The following NLGN1 variants were observed in gnomAD, a reference collection of about 807,000 sequenced individuals.
NLGN1 encodes neuroligin-1.
Under a neutral mutation model 65.5 loss-of-function variants are expected in NLGN1, and 12 were observed. The observed-to-expected ratio is 0.18, with a 90% CI of 0.12 to 0.30. The LOEUF (loss-of-function observed/expected upper bound fraction) is 0.30. NLGN1 is among the 10% of genes least tolerant of loss of function. NLGN1 has a pLI of 1.00. For missense variants in NLGN1, 750 were observed against 1,007.1 expected (o/e 0.74, Z 3.46); for synonymous variants, 350 against 359.5 (o/e 0.97, Z 0.30).
intron 2 of NLGN1, among the ~76,000 whole-genome samples, chr3:173,448,887 TTC>T (rs1720915180): frequency 6.6e-6 from 1 of 152,232 alleles, no homozygotes; most frequent in African/African-American, 2.4e-5. Flanking sequence ...TAGTTTGTAT[TTC>T]TGTGGGATCA....
chr3:173,510,647 T>C (rs75494349), intron 2 of NLGN1, among the ~76,000 whole-genome samples: 1 of 152,238 alleles, frequency 6.6e-6, no homozygotes, highest in African/African-American at 2.4e-5. Context: ...ATAAACCTTT[T>C]GTCATACTGC....
At chr3:173,702,802 C>A (rs557386838) in intron 3 of NLGN1, among the ~76,000 whole-genome samples, 14 of 152,312 alleles carry the variant, frequency 9.2e-5, no homozygotes, top group African/African-American at 3.1e-4. Context: ...AAAAAAGACT[C>A]CTCCGCTTCC....
At chr3:174,256,695 A>G (rs188193982) in intron 4 of NLGN1, among the ~76,000 whole-genome samples, 2 of 152,320 alleles carry the variant, frequency 1.3e-5, no homozygotes, top group African/African-American at 2.4e-5. Flanking sequence ...CTTAGGAATA[A>G]GCTTCAGTTT....
In NLGN1 at chr3:174,006,835, G is replaced by A. The variant is rs141866966; in HGVS notation, c.646+199003G>A. Among the ~76,000 whole-genome samples, 148 of 152,192 alleles carry A rather than the reference G, an allele frequency of 9.7e-4. No homozygotes were observed. In the East Asian group the frequency reaches 0.025, roughly 26 times the overall value. ...TGTAACCCCAGCACTCTGGGAGGCCGAGGTAGGTGGATCAGTTGGGGTCAG... is the reference window on the plus strand; with the variant it reads ...TGTAACCCCAGCACTCTGGGAGGCCAAGGTAGGTGGATCAGTTGGGGTCAG... On this transcript the variant is annotated intron_variant, in intron 4 of 6. Transcript: ENST00000457714.
intron 3 of NLGN1, among the ~76,000 whole-genome samples, chr3:173,689,215 C>T (rs1765108679): frequency 6.6e-6 from 1 of 152,164 alleles, no homozygotes; most frequent in African/African-American, 2.4e-5. Flanking sequence ...ACATGTGGGA[C>T]TGTGCTTGCA....
At chr3:173,881,098 T>TC (rs1486081951) in intron 4 of NLGN1, among the ~76,000 whole-genome samples, 1 of 141,706 alleles carries the variant, frequency 7.1e-6, no homozygotes, top group Non-Finnish European at 1.6e-5. Context: ...CCTTTTTTTT[T>TC]TTTTTTTTTT....
At chr3:173,570,245 AG>A (rs1744427987) in intron 2 of NLGN1, among the ~76,000 whole-genome samples, 1 of 152,206 alleles carries the variant, frequency 6.6e-6, no homozygotes. Flanking sequence ...GGCATCCAAA[AG>A]GAAAGCCTTT....
intron 4 of NLGN1, among the ~76,000 whole-genome samples, chr3:174,182,884 C>T (rs934452224): frequency 2.0e-5 from 3 of 152,278 alleles, no homozygotes; most frequent in Middle Eastern, 3.4e-3. Context: ...TGTCTCTCTA[C>T]CCCTTTCTAT....
chr3:173,721,302 A>G (rs1770797106), intron 3 of NLGN1, among the ~76,000 whole-genome samples: 1 of 152,234 alleles, frequency 6.6e-6, no homozygotes, highest in African/African-American at 2.4e-5. Context: ...AAAGTACATC[A>G]CAAAATTTGG....
At chr3:174,261,973 T>C (rs1747017466) in intron 4 of NLGN1, among the ~76,000 whole-genome samples, 2 of 146,510 alleles carry the variant, frequency 1.4e-5, no homozygotes, top group Admixed American at 1.4e-4. Context: ...TCTGTTTATA[T>C]GCTGGATTAC....
intron 4 of NLGN1, among the ~76,000 whole-genome samples, chr3:173,850,260 T>C (rs1413043788): frequency 2.6e-5 from 4 of 152,190 alleles, no homozygotes; most frequent in Non-Finnish European, 5.9e-5. Context: ...TGATTATGGG[T>C]ATATACGGAT....
At chr3:173,574,012 G>C (rs936532229) in intron 2 of NLGN1, among the ~76,000 whole-genome samples, 3 of 136,802 alleles carry the variant, frequency 2.2e-5, no homozygotes, top group Admixed American at 1.6e-4. Context: ...GCAGTGAGCC[G>C]AGATGGCATC....
At chr3:173,858,798 T>G (rs1303880310) in intron 4 of NLGN1, among the ~76,000 whole-genome samples, 1 of 152,088 alleles carries the variant, frequency 6.6e-6, no homozygotes, top group African/African-American at 2.4e-5. Flanking sequence ...TTTATATAAG[T>G]AGCACCGGAT....
chr3:173,542,416 C>T (rs1739044658), intron 2 of NLGN1, among the ~76,000 whole-genome samples: 1 of 151,948 alleles, frequency 6.6e-6, no homozygotes, highest in Non-Finnish European at 1.5e-5. Flanking sequence ...ATTCCCATTG[C>T]TTGATTTCCT....
At chr3:173,432,009 C>T (rs73883135) in intron 1 of NLGN1, among the ~76,000 whole-genome samples, 4,383 of 152,198 alleles carry the variant, frequency 0.029, 209 homozygotes, top group African/African-American at 0.1. Context: ...TGAATTCTTT[C>T]ACTTAGTAAT....
chr3:173,969,994 C>T (rs1028825014), intron 4 of NLGN1, among the ~76,000 whole-genome samples: 2 of 151,410 alleles, frequency 1.3e-5, no homozygotes, highest in Non-Finnish European at 2.9e-5. Context: ...TTTAAGTGAA[C>T]TCTATACTAG....
At position 173,837,232 on chromosome 3, in the gene NLGN1, T is replaced by G. The variant is rs143433818; in HGVS notation, c.646+29400T>G. Reference sequence around the variant, plus strand: ...AATTCATCTCCTTGCTGGCTCAGACTACAGCTACTTTATTTTTTAATAAAG... The same window carrying G: ...AATTCATCTCCTTGCTGGCTCAGACGACAGCTACTTTATTTTTTAATAAAG... On this transcript the variant is annotated intron_variant, in intron 4 of 6. Transcript: ENST00000457714. Among the ~76,000 whole-genome samples, 300 of 152,322 alleles carry G rather than the reference T, an allele frequency of 2.0e-3. 1 individual carries two copies. The highest frequency in any genetic ancestry group is 2.7e-3 in the Non-Finnish European group (183 of 68,012).
At chr3:173,850,000 A>G (rs1011846137) in intron 4 of NLGN1, among the ~76,000 whole-genome samples, 1 of 152,122 alleles carries the variant, frequency 6.6e-6, no homozygotes, top group Non-Finnish European at 1.5e-5. Context: ...TTTATTACAT[A>G]TATACACATG....
At chr3:174,208,868 G>A (rs941628493) in intron 4 of NLGN1, among the ~76,000 whole-genome samples, 1 of 152,096 alleles carries the variant, frequency 6.6e-6, no homozygotes, top group Non-Finnish European at 1.5e-5. Flanking sequence ...GTGTAACGTG[G>A]TGATATAGGC....
Sources: allele counts gnomAD v4.1 joint callset (sites outside exome capture counted in the v4.1 genomes callset), GRCh38; gene constraint gnomAD v4.1.1; transcripts MANE v1.5; gene names NCBI Gene and HGNC (gene_info 2026-07-23, HGNC 2026-07-21).